The following KCTD3 variants were observed in gnomAD, a reference collection of about 807,000 sequenced individuals.
KCTD3 encodes BTB/POZ domain-containing protein KCTD3.
Under a neutral mutation model 85.8 loss-of-function variants are expected in KCTD3, and 41 were observed. That is an observed-to-expected ratio of 0.48 (90% confidence interval 0.37 to 0.62). KCTD3 has a LOEUF of 0.62. Ranked by LOEUF, KCTD3 falls within the 20% of genes least tolerant of loss-of-function variation. KCTD3 has a pLI of 0.00. For synonymous variants in KCTD3, 338 were observed against 345.4 expected, an observed-to-expected ratio of 0.98 and a Z score of 0.24; for missense variants, 724 against 989.9, an observed-to-expected ratio of 0.73 and a Z score of 3.60.
chr1:215,589,513 G>C (rs547861387), intron 9 of KCTD3, among the ~76,000 whole-genome samples: 1 of 152,236 alleles, frequency 6.6e-6, no homozygotes, highest in South Asian at 2.1e-4. Context: ...ATGCAAAAAT[G>C]TTTTGCTACA....
intron 8 of KCTD3, among the ~76,000 whole-genome samples, chr1:215,583,617 A>T (rs1185460562): frequency 6.6e-6 from 1 of 152,034 alleles, no homozygotes; most frequent in East Asian, 1.9e-4. Flanking sequence ...TCTCAGCCTT[A>T]TTTTACTCAG....
intron 10 of KCTD3, among the ~76,000 whole-genome samples, chr1:215,597,571 G>T (rs954794809): frequency 2.0e-5 from 3 of 152,096 alleles, no homozygotes; most frequent in African/African-American, 7.2e-5. Flanking sequence ...AGAAATAAGA[G>T]ATCTTCAGCC....
chr1:215,620,884 T>C lies in KCTD3; in HGVS notation c.*266T>C. On this transcript the variant is annotated 3_prime_UTR_variant, in exon 18 of 18. Transcript: ENST00000259154. ...TTTAACACTTACCGACTTTTTTTGGTTTGGAAACATATTACCACGTCTTAA... is the reference window on the plus strand; with the variant it reads ...TTTAACACTTACCGACTTTTTTTGGCTTGGAAACATATTACCACGTCTTAA... 2.3e-6 allele frequency: 1 copy of C among 426,638 alleles called. No individual in the cohort carries two copies. Among genetic ancestry groups the C allele is most frequent in the East Asian group, 3.5e-5 (1 of 28,176 alleles). The allele number at this position is 426,638 out of a possible 1,614,324, so 26.4% of individuals were successfully genotyped here. A position where few individuals can be genotyped will look rare whatever the true frequency, so the allele number is the denominator to read the frequency against.
At chr1:215,589,064 A>T (rs764512232) in intron 9 of KCTD3, among the ~76,000 whole-genome samples, 1 of 152,208 alleles carries the variant, frequency 6.6e-6, no homozygotes. Context: ...TTGAAGGTCT[A>T]TACCAAACAA....
chr1:215,578,119 G>A, intron 6 of KCTD3, 38 bp downstream of exon 6: 1 of 1,560,902 alleles, frequency 6.4e-7, no homozygotes, highest in Non-Finnish European at 8.8e-7. Flanking sequence ...AAAATTCCTT[G>A]TATCATTAAG....
intron 1 of KCTD3, among the ~76,000 whole-genome samples, chr1:215,571,646 T>C (rs1055465839): frequency 1.9e-4 from 28 of 150,692 alleles, no homozygotes; most frequent in African/African-American, 5.0e-4. Context: ...TTTTTTTTTT[T>C]CCGAGACGGA....
At chr1:215,572,496 T>G (rs1451692733) in intron 1 of KCTD3, among the ~76,000 whole-genome samples, 2 of 152,206 alleles carry the variant, frequency 1.3e-5, no homozygotes, top group African/African-American at 4.8e-5. Context: ...GTATAAGCCT[T>G]GGTAGTCACA....
intron 10 of KCTD3, among the ~76,000 whole-genome samples, chr1:215,598,347 CA>C (rs1654693239): frequency 6.6e-6 from 1 of 152,116 alleles, no homozygotes; most frequent in Non-Finnish European, 1.5e-5. Context: ...CCAACATATT[CA>C]AATTAGGAGT....
intron 10 of KCTD3, among the ~76,000 whole-genome samples, chr1:215,599,805 C>G (rs1302251994): frequency 6.6e-6 from 1 of 151,798 alleles, no homozygotes; most frequent in Non-Finnish European, 1.5e-5. Flanking sequence ...AGGCTTTAAT[C>G]CTAGAGCCCA....
chr1:215,604,039 C>A, intron 12 of KCTD3, 93 bp from the exon 13 acceptor site: 2 of 939,050 alleles, frequency 2.1e-6, no homozygotes, highest in Non-Finnish European at 3.2e-6. Context: ...GTGAATCCAG[C>A]TCTGCCTATT....
rs2102546197 is a variant in KCTD3, at chr1:215,567,616, G to C, written c.-70G>C. On this transcript the variant is annotated 5_prime_UTR_variant, in exon 1 of 18. Transcript: ENST00000259154. ...CCCTGCAGCCGTCGCCGCTGCCTCG[G>C]GCTACAGCCCCGGGCTCGGCGGTCC... 1 of 1,046,942 alleles carries C rather than the reference G, an allele frequency of 9.6e-7. No individual in the cohort carries two copies. Among genetic ancestry groups the C allele is most frequent in the African/African-American group, 1.6e-5 (1 of 60,882 alleles). The allele number at this position is 1,046,942 out of a possible 1,614,324, so 64.9% of individuals were successfully genotyped here. A position where few individuals can be genotyped will look rare whatever the true frequency, so the allele number is the denominator to read the frequency against.
intron 6 of KCTD3, 76 bp from the exon 7 acceptor site, chr1:215,578,924 C>A: frequency 2.0e-6 from 2 of 993,980 alleles, no homozygotes; most frequent in South Asian, 1.9e-5. Context: ...ATTTTTGTTT[C>A]TTTGTCACAA....
rs541496423 is a variant in KCTD3, at chr1:215,609,025, A to C, written c.1465+853A>C. On this transcript the variant is annotated intron_variant, in intron 14 of 17. Coordinates refer to ENST00000259154, the MANE Select transcript of KCTD3 (RefSeq NM_016121.5). ...AACATCAACTTACAATGTAGTGAGCAGTGGGAATTAAAATAAAACAGTTGC... is the reference window on the plus strand; with the variant it reads ...AACATCAACTTACAATGTAGTGAGCCGTGGGAATTAAAATAAAACAGTTGC... 2.1e-4 allele frequency among the ~76,000 whole-genome samples: 32 copies of C among 152,140 alleles called. No homozygotes were observed. The South Asian group carries it at 5.6e-3, about 27-fold the overall frequency.
At chr1:215,616,720 A>G (rs550883845) in intron 15 of KCTD3, among the ~76,000 whole-genome samples, 88 of 152,332 alleles carry the variant, frequency 5.8e-4, no homozygotes, top group Admixed American at 5.2e-4. Context: ...AGATCACGCC[A>G]TTGCACTCCA....
intron 10 of KCTD3, among the ~76,000 whole-genome samples, chr1:215,597,356 A>G (rs1217979889): frequency 6.6e-6 from 1 of 152,168 alleles, no homozygotes; most frequent in African/African-American, 2.4e-5. Context: ...GTATTGTCAA[A>G]TAGGTAGCCT....
At chr1:215,617,253 C>G (rs1362510389) in intron 15 of KCTD3, among the ~76,000 whole-genome samples, 1 of 152,174 alleles carries the variant, frequency 6.6e-6, no homozygotes, top group Non-Finnish European at 1.5e-5. Context: ...GTGAGCCACT[C>G]TAGCAAATTA....
chr1:215,618,956 A>C lies in KCTD3; in HGVS notation c.1633A>C (p.Ser545Arg), dbSNP rs1655560444. The C allele has an allele frequency of 6.2e-7, 1 of 1,613,854 alleles. No homozygotes were observed. The highest frequency in any genetic ancestry group is 8.5e-7 in the Non-Finnish European group (1 of 1,179,820). ...TACAGTGAGGGAATGTGAGGGATCC[A>C]GTAGGATGGGCTCAAGACCAAGGCG... is the stretch of plus-strand genomic sequence containing the variant. ...SFTVRECEGS[S>R]RMGSRPRRYL... The change falls in exon 16 of 18, where the codon AGT becomes CGT. Residue 545 changes from serine (S) to arginine (R), a missense_variant. Physicochemically the swap from Ser to Arg is moderately radical, Grantham distance 110 (BLOSUM62 -1). This residue lies in a region of KCTD3 where 136 missense variants were observed against 197.6 expected (regional missense o/e 0.69). Transcript: ENST00000259154.
In KCTD3 at chr1:215,602,101, C is replaced by T; in HGVS notation, c.1038C>T (p.Pro346=). Reference sequence around the variant, plus strand: ...ATGTTTTAGATATGCAGAAGTTCCCCTTGCGAATGAAAGATAATGATCTTC... The same window carrying T: ...ATGTTTTAGATATGCAGAAGTTCCCTTTGCGAATGAAAGATAATGATCTTC... The part of the protein sequence containing the change: ...SIYYIDMQKF[P]LRMKDNDLLV... The change falls in exon 12 of 18, where the codon CCC becomes CCT. Residue 346 remains proline (P), a synonymous_variant. Transcript: ENST00000259154. 2 of 1,601,510 alleles carry T rather than the reference C, an allele frequency of 1.2e-6. No individual in the cohort carries two copies.
chr1:215,586,376 T>G (rs1418888171), intron 8 of KCTD3, 119 bp from the exon 9 acceptor site: 1 of 792,896 alleles, frequency 1.3e-6, no homozygotes, highest in Non-Finnish European at 2.0e-6. Flanking sequence ...GGTGGATGGG[T>G]AACTGTTTAG....
Sources: gnomAD v4.1 joint callset for allele counts (sites outside exome capture counted in the v4.1 genomes callset) on GRCh38, gnomAD v4.1.1 for gene constraint, gnomAD v4.1.1 regional missense constraint, MANE v1.5 for transcripts, NCBI Gene and HGNC (gene_info 2026-07-23, HGNC 2026-07-21) for gene names.